The following TMSB15B variants were observed in gnomAD, a reference collection of about 807,000 sequenced individuals.
TMSB15B encodes thymosin beta 15B.
chrX:103,940,520 G>A (rs1259950882), intron 1 of TMSB15B, among the ~76,000 whole-genome samples: 1 of 111,118 alleles, frequency 9.0e-6, no homozygotes, highest in Admixed American at 9.5e-5. Flanking sequence ...CACCAAGATC[G>A]AGCATCTCAG....
intron 1 of TMSB15B, among the ~76,000 whole-genome samples, chrX:103,936,980 T>G (rs2074999852): frequency 8.9e-6 from 1 of 112,393 alleles, no homozygotes; most frequent in Non-Finnish European, 1.9e-5. Flanking sequence ...TTTATTGATT[T>G]GCGTGTGTTG....
chrX:103,948,869 T>C (rs1157375058), intron 1 of TMSB15B, among the ~76,000 whole-genome samples: 3 of 112,034 alleles, frequency 2.7e-5, no homozygotes, highest in African/African-American at 9.7e-5. Flanking sequence ...AAGACTGAAA[T>C]AAGATAATTA....
At chrX:103,927,782 T>G (rs782709325) in intron 1 of TMSB15B, among the ~76,000 whole-genome samples, 85 of 110,547 alleles carry the variant, frequency 7.7e-4, no homozygotes, top group Middle Eastern at 4.6e-3. Context: ...CTCCTCTATT[T>G]CATGTTCTTC....
At chrX:103,926,729 G>A (rs1316313734) in intron 1 of TMSB15B, among the ~76,000 whole-genome samples, 1 of 110,457 alleles carries the variant, frequency 9.1e-6, no homozygotes, top group Admixed American at 9.6e-5. Context: ...TCCCCCATTG[G>A]CCTGCTAGCT....
At chrX:103,942,657 T>C (rs2075015405) in intron 1 of TMSB15B, among the ~76,000 whole-genome samples, 1 of 112,308 alleles carries the variant, frequency 8.9e-6, no homozygotes, top group African/African-American at 3.2e-5. Flanking sequence ...ACTGTTGAGA[T>C]TTTAATTTCA....
At chrX:103,932,344 G>A (rs782124150) in intron 1 of TMSB15B, 2 of 111,659 alleles carry the variant, frequency 1.8e-5, no homozygotes, top group African/African-American at 6.5e-5. Context: ...AGTACACCCA[G>A]CTGGTGTTTG....
intron 1 of TMSB15B, among the ~76,000 whole-genome samples, chrX:103,940,388 A>G (rs1259662124): frequency 1.6e-4 from 18 of 112,247 alleles, no homozygotes; most frequent in Non-Finnish European, 2.8e-4. Flanking sequence ...CAATCTGGCT[A>G]CAGTGGCTTT....
intron 1 of TMSB15B, chrX:103,928,601 G>T: frequency 8.6e-7 from 1 of 1,162,622 alleles, no homozygotes; most frequent in Non-Finnish European, 1.2e-6. Flanking sequence ...CTTTGGGGGC[G>T]GCTGTCACGG....
intron 1 of TMSB15B, among the ~76,000 whole-genome samples, chrX:103,945,710 A>G (rs782292886): frequency 2.7e-5 from 3 of 112,303 alleles, no homozygotes; most frequent in South Asian, 3.7e-4. Context: ...ATATAGACAT[A>G]AATAAGGCAT....
At chrX:103,940,385 G>T (rs1430440757) in intron 1 of TMSB15B, among the ~76,000 whole-genome samples, 1 of 112,222 alleles carries the variant, frequency 8.9e-6, no homozygotes, top group African/African-American at 3.2e-5. Context: ...AGGCAATCTG[G>T]CTACAGTGGC....
chrX:103,928,170 G>C (rs2074974320), intron 1 of TMSB15B: 1 of 1,167,298 alleles, frequency 8.6e-7, no homozygotes, highest in Admixed American at 2.2e-5. Context: ...GGAAAGAAAA[G>C]CTGGCACTCC....
intron 1 of TMSB15B, among the ~76,000 whole-genome samples, chrX:103,943,485 T>C (rs2075017720): frequency 8.9e-6 from 1 of 112,336 alleles, no homozygotes; most frequent in South Asian, 3.7e-4. Flanking sequence ...TCTTTTCAAT[T>C]ATTAGACCCA....
chrX:103,929,818 A>G (rs1461999425), intron 1 of TMSB15B, among the ~76,000 whole-genome samples: 3 of 111,544 alleles, frequency 2.7e-5, no homozygotes, highest in Non-Finnish European at 5.6e-5. Flanking sequence ...TGAAGTGACC[A>G]TATCTCTTCA....
chrX:103,950,609 G>GAA (rs2075036711), intron 1 of TMSB15B, among the ~76,000 whole-genome samples: 1 of 108,348 alleles, frequency 9.2e-6, no homozygotes, highest in African/African-American at 3.4e-5. Context: ...GGAGCCAAGA[G>GAA]AAAAATATAT....
chrX:103,948,622 A>G (rs1282275788), intron 1 of TMSB15B, among the ~76,000 whole-genome samples: 1 of 112,862 alleles, frequency 8.9e-6, no homozygotes, highest in Non-Finnish European at 1.9e-5. Context: ...CAGTTACAGT[A>G]TAAGCATAGG....
At chrX:103,931,522 T>C (rs1454913156) in intron 1 of TMSB15B, 1 of 112,078 alleles carries the variant, frequency 8.9e-6, no homozygotes, top group East Asian at 2.8e-4. Context: ...ACATCAATTT[T>C]CAGTATTCCT....
intron 1 of TMSB15B, among the ~76,000 whole-genome samples, chrX:103,926,552 G>T (rs1326001964): frequency 9.1e-5 from 10 of 109,306 alleles, no homozygotes; most frequent in Non-Finnish European, 1.9e-4. Flanking sequence ...GATATGGATG[G>T]AGCAGGGAGA....
At chrX:103,922,753 C>T (rs1398389629) in intron 1 of TMSB15B, among the ~76,000 whole-genome samples, 1 of 111,669 alleles carries the variant, frequency 9.0e-6, no homozygotes, top group African/African-American at 3.3e-5. Context: ...AATGGTATTT[C>T]TAGTTCTAGA....
chrX:103,974,391 A>G, the TMSB15B span, among the ~76,000 whole-genome samples: 178 of 12,578 alleles, frequency 0.014, 29 homozygotes, highest in Admixed American at 0.022. Context: ...ATATATATGT[A>G]TATATATATA....
Sources: gnomAD v4.1 joint callset for allele counts (sites outside exome capture counted in the v4.1 genomes callset) on GRCh38, gnomAD v4.1.1 for gene constraint, MANE v1.5 for transcripts, NCBI Gene and HGNC (gene_info 2026-07-23, HGNC 2026-07-21) for gene names.